PLCB1: variants seen among roughly 807,000 people sequenced by gnomAD.
The protein encoded by PLCB1 is 1-phosphatidylinositol 4,5-bisphosphate phosphodiesterase beta-1.
In PLCB1, 46 loss-of-function variants were observed where a neutral mutation model predicts 161.8. The ratio of observed to expected loss-of-function variants is 0.28; its 90% CI spans 0.22 to 0.36. The LOEUF (loss-of-function observed/expected upper bound fraction) is 0.36, where lower values mean the gene tolerates loss of function less well. PLCB1 is among the 10% of genes least tolerant of loss of function. The pLI is 1.00. For synonymous variants in PLCB1, 517 were observed against 503.7 expected (o/e 1.03, Z -0.35); for missense variants, 1,016 against 1,472.5 (o/e 0.69, Z 5.07).
At chr20:8,511,703 A>G (rs949936732) in intron 3 of PLCB1, among the ~76,000 whole-genome samples, 14 of 152,058 alleles carry the variant, frequency 9.2e-5, no homozygotes, top group African/African-American at 3.1e-4. Context: ...TGTCTTTTTG[A>G]TGATAGCCAT....
intron 26 of PLCB1, among the ~76,000 whole-genome samples, chr20:8,773,237 G>A (rs1453702633): frequency 6.6e-6 from 1 of 152,166 alleles, no homozygotes; most frequent in Non-Finnish European, 1.5e-5. Context: ...TGGCCTATCG[G>A]ACCACAAGTG....
At chr20:8,644,426 G>A (rs1989078657) in intron 4 of PLCB1, among the ~76,000 whole-genome samples, 1 of 150,638 alleles carries the variant, frequency 6.6e-6, no homozygotes, top group Non-Finnish European at 1.5e-5. Flanking sequence ...TCTGAGATGT[G>A]GGGAGCGCCT....
chr20:8,756,656 A>G (rs746330913), intron 23 of PLCB1, among the ~76,000 whole-genome samples: 3 of 152,174 alleles, frequency 2.0e-5, no homozygotes, highest in Non-Finnish European at 4.4e-5. Context: ...ATGACAGACC[A>G]GGATGACTCA....
intron 9 of PLCB1, among the ~76,000 whole-genome samples, chr20:8,662,677 G>T (rs562789249): frequency 6.7e-6 from 1 of 150,230 alleles, no homozygotes; most frequent in Non-Finnish European, 1.5e-5. Context: ...CACCTGAGCC[G>T]TTGTTAAAAT....
chr20:8,682,783 T>G (rs190175657), intron 9 of PLCB1, among the ~76,000 whole-genome samples: 1 of 152,192 alleles, frequency 6.6e-6, no homozygotes, highest in Non-Finnish European at 1.5e-5. Context: ...ATACCATTGG[T>G]GAAAGTCAAT....
At chr20:8,747,094 A>C (rs1448282662) in intron 23 of PLCB1, among the ~76,000 whole-genome samples, 1 of 152,236 alleles carries the variant, frequency 6.6e-6, no homozygotes, top group African/African-American at 2.4e-5. Context: ...CCTCCATAGC[A>C]GGTTACCTGA....
At chr20:8,555,070 A>G (rs1568505939) in intron 3 of PLCB1, among the ~76,000 whole-genome samples, 1 of 151,976 alleles carries the variant, frequency 6.6e-6, no homozygotes, top group African/African-American at 2.4e-5. Context: ...TTTTTTCTTG[A>G]CTTGGCATTT....
intron 3 of PLCB1, among the ~76,000 whole-genome samples, chr20:8,603,742 T>A (rs1454906021): frequency 6.6e-6 from 1 of 152,256 alleles, no homozygotes; most frequent in African/African-American, 2.4e-5. Flanking sequence ...TAAATGTGTG[T>A]TTCAACTTGA....
intron 3 of PLCB1, among the ~76,000 whole-genome samples, chr20:8,386,444 C>T (rs935595241): frequency 5.9e-5 from 9 of 152,170 alleles, no homozygotes; most frequent in African/African-American, 2.2e-4. Flanking sequence ...AATCCTTTCT[C>T]AGCATTAGGT....
chr20:8,146,231 G>A (rs1340427454), intron 1 of PLCB1, among the ~76,000 whole-genome samples: 1 of 151,908 alleles, frequency 6.6e-6, no homozygotes, highest in Non-Finnish European at 1.5e-5. Flanking sequence ...AGCCTCCCTT[G>A]CAGGGCAATA....
At chr20:8,299,775 C>G (rs541804529) in intron 2 of PLCB1, among the ~76,000 whole-genome samples, 2 of 152,212 alleles carry the variant, frequency 1.3e-5, no homozygotes, top group Non-Finnish European at 2.9e-5. Flanking sequence ...TCTATGCAAT[C>G]TATCACCACC....
chr20:8,449,640 C>T (rs1980986998), intron 3 of PLCB1, among the ~76,000 whole-genome samples: 1 of 152,194 alleles, frequency 6.6e-6, no homozygotes, highest in South Asian at 2.1e-4. Context: ...ACAATCGTTT[C>T]TTAGAGTGTC....
chr20:8,825,616 A>C (rs1985656851), intron 31 of PLCB1, among the ~76,000 whole-genome samples: 1 of 152,250 alleles, frequency 6.6e-6, no homozygotes, highest in Admixed American at 6.5e-5. Flanking sequence ...TGAAACCCAT[A>C]AAGCCTTGGC....
intron 1 of PLCB1, among the ~76,000 whole-genome samples, chr20:8,146,107 T>G (rs1220230558): frequency 4.0e-4 from 13 of 32,170 alleles, no homozygotes; most frequent in African/African-American, 3.0e-3. Context: ...TTTTTTTTGT[T>G]TTTTTTTTTT....
chr20:8,770,243 C>T lies in PLCB1; in HGVS notation c.2931-4296C>T, dbSNP rs371007876. Among the ~76,000 whole-genome samples, 16 of 152,334 alleles carry T rather than the reference C, an allele frequency of 1.1e-4. No individual in the cohort carries two copies. In the South Asian group the frequency reaches 3.1e-3, roughly 30 times the overall value. On this transcript the variant is annotated intron_variant, in intron 26 of 31. Transcript: ENST00000338037. ...CTGGGATTACAGGCGTGAGCCACCA[C>T]GCCCAGCCAAAATCATCATTTCTTA...
chr20:8,542,448 A>AC (rs2122962178), intron 3 of PLCB1, among the ~76,000 whole-genome samples: 1 of 152,226 alleles, frequency 6.6e-6, no homozygotes, highest in East Asian at 1.9e-4. Flanking sequence ...GACACACGGG[A>AC]TATTATGTTG....
chr20:8,235,619 C>G (rs1238927569), intron 2 of PLCB1, among the ~76,000 whole-genome samples: 1 of 151,988 alleles, frequency 6.6e-6, no homozygotes, highest in Non-Finnish European at 1.5e-5. Flanking sequence ...TCGTGCACGT[C>G]CCTATTATTG....
At chr20:8,307,893 A>C (rs1262093586) in intron 2 of PLCB1, among the ~76,000 whole-genome samples, 1 of 151,956 alleles carries the variant, frequency 6.6e-6, no homozygotes, top group East Asian at 1.9e-4. Context: ...ACTGCACTCC[A>C]GCCTGGGCAA....
intron 3 of PLCB1, among the ~76,000 whole-genome samples, chr20:8,606,173 A>C (rs1987752578): frequency 6.6e-6 from 1 of 152,146 alleles, no homozygotes; most frequent in Non-Finnish European, 1.5e-5. Context: ...CTATAGTTTC[A>C]TCATCATGGT....
Sources: allele counts gnomAD v4.1 joint callset (sites outside exome capture counted in the v4.1 genomes callset), GRCh38; gene constraint gnomAD v4.1.1; transcripts MANE v1.5; gene names NCBI Gene and HGNC (gene_info 2026-07-23, HGNC 2026-07-21).